RASGRF2: variants seen among roughly 807,000 people sequenced by gnomAD.
RASGRF2 encodes the protein Ras protein specific guanine nucleotide releasing factor 2.
Under a neutral mutation model 151.0 loss-of-function variants are expected in RASGRF2, and 76 were observed. That is an observed-to-expected ratio of 0.50 (90% confidence interval 0.42 to 0.61). The LOEUF (loss-of-function observed/expected upper bound fraction) is 0.61, where lower values mean the gene tolerates loss of function less well. Among genes scored for constraint, RASGRF2 ranks in the 20% least tolerant of loss-of-function variants. The pLI, the probability that RASGRF2 is intolerant of heterozygous loss-of-function variation, is 0.00. For missense variants in RASGRF2, 1,148 were observed against 1,564.6 expected (o/e 0.73, Z 4.49); for synonymous variants, 504 against 566.5 (o/e 0.89, Z 1.57).
At chr5:81,018,864 G>T (rs1039200038) in intron 1 of RASGRF2, among the ~76,000 whole-genome samples, 10 of 149,560 alleles carry the variant, frequency 6.7e-5, no homozygotes, top group African/African-American at 1.7e-4. Context: ...GCACAGTGGC[G>T]CAATCTCGGC....
At chr5:81,167,686 T>C (rs1754544670) in intron 17 of RASGRF2, among the ~76,000 whole-genome samples, 1 of 152,156 alleles carries the variant, frequency 6.6e-6, no homozygotes, top group African/African-American at 2.4e-5. Context: ...GCCTCTCCTC[T>C]CTGTGGCTGC....
intron 12 of RASGRF2, among the ~76,000 whole-genome samples, chr5:81,099,327 A>G (rs745670147): frequency 1.1e-4 from 16 of 152,220 alleles, no homozygotes; most frequent in Non-Finnish European, 2.1e-4. Context: ...ATTATATTAA[A>G]TATATTCAGC....
At chr5:81,156,013 G>T (rs58250263) in intron 17 of RASGRF2, among the ~76,000 whole-genome samples, 2,558 of 152,238 alleles carry the variant, frequency 0.017, 88 homozygotes, top group South Asian at 0.091. Flanking sequence ...GCTATGTCCA[G>T]GTACTTTATG....
At position 81,068,187 on chromosome 5, in the gene RASGRF2, C is replaced by T. The variant is rs200933858; in HGVS notation, c.543+8C>T. ...GAAAGGCTTAAATCAGAGGTATTTC[C>T]CAGTCAATAGATTCCTTCTCATTGT... is the stretch of plus-strand genomic sequence containing the variant. On this transcript the variant is annotated splice_region_variant and intron_variant, in intron 3 of 26. Transcript: ENST00000265080. 3 of 1,606,584 alleles carry T rather than the reference C, an allele frequency of 1.9e-6. No individual in the cohort carries two copies. The highest frequency in any genetic ancestry group is 1.1e-5 in the South Asian group (1 of 89,744).
At position 81,133,067 on chromosome 5, in the gene RASGRF2, A is replaced by G. The variant is rs1232262100; in HGVS notation, c.2686+5904A>G. Among the ~76,000 whole-genome samples, 3 of 152,174 alleles carry G rather than the reference A, an allele frequency of 2.0e-5. No individual in the cohort carries two copies. The East Asian group carries it at 5.8e-4, about 29-fold the overall frequency. Reference sequence around the variant, plus strand: ...AGGGTGGGGGCATCAGTGATTGTCAATGAGTCATTAGCCATCTTTCTTCTA... The same window carrying G: ...AGGGTGGGGGCATCAGTGATTGTCAGTGAGTCATTAGCCATCTTTCTTCTA... On this transcript the variant is annotated intron_variant, in intron 17 of 26. Coordinates refer to ENST00000265080, the MANE Select transcript of RASGRF2 (RefSeq NM_006909.3).
intron 17 of RASGRF2, among the ~76,000 whole-genome samples, chr5:81,143,807 T>C (rs1285408419): frequency 2.0e-5 from 3 of 151,792 alleles, no homozygotes; most frequent in Non-Finnish European, 4.4e-5. Flanking sequence ...GGAGAATTGC[T>C]TGAACCTGGG....
rs541669022 is a variant in RASGRF2 at position 81,003,659 on chromosome 5, G to T, written c.289-39218G>T. Among the ~76,000 whole-genome samples, 4 of 152,286 alleles carry T rather than the reference G, an allele frequency of 2.6e-5. No individual in the cohort carries two copies. In the South Asian group the frequency reaches 8.3e-4, roughly 32 times the overall value. On this transcript the variant is annotated intron_variant, in intron 1 of 26. Transcript: ENST00000265080. The stretch of plus-strand genomic sequence containing the variant: ...TTACAGGCATGAGCCATGATGCCTG[G>T]CCGAGACAATTTTTTAAATAATGGA...
intron 16 of RASGRF2, among the ~76,000 whole-genome samples, chr5:81,125,549 A>G (rs1753429348): frequency 6.6e-6 from 1 of 152,190 alleles, no homozygotes; most frequent in African/African-American, 2.4e-5. Flanking sequence ...GGTCTTGGCA[A>G]CTTCCTTGAC....
intron 17 of RASGRF2, among the ~76,000 whole-genome samples, chr5:81,129,929 T>A (rs1753570410): frequency 6.6e-6 from 1 of 152,168 alleles, no homozygotes; most frequent in Admixed American, 6.5e-5. Flanking sequence ...GAGAGGTCCT[T>A]TTTTCACCTG....
intron 18 of RASGRF2, among the ~76,000 whole-genome samples, chr5:81,188,975 T>C (rs1165792218): frequency 6.6e-6 from 1 of 152,244 alleles, no homozygotes; most frequent in African/African-American, 2.4e-5. Context: ...ACACTGCCAA[T>C]GCTTTCCCTG....
chr5:81,187,016 A>G (rs1199138819), intron 18 of RASGRF2, among the ~76,000 whole-genome samples: 1 of 152,250 alleles, frequency 6.6e-6, no homozygotes, highest in Non-Finnish European at 1.5e-5. Flanking sequence ...AGTAGCCATT[A>G]CAGATGGAGG....
chr5:81,092,871 G>C lies in RASGRF2; in HGVS notation c.1461G>C (p.Leu487Phe). ...LSKVRLGSLS[L>F]KKEGERQCFL... ...AAGTTCGCCTGGGTTCGTTGTCTTT[G>C]AAAAAGGAAGGAGAGAGACAATGCT... The change falls in exon 10 of 27, where the codon TTG becomes TTC. Residue 487 changes from leucine (L) to phenylalanine (F), a missense_variant. Transcript: ENST00000265080. 1 of 1,612,764 alleles carries C rather than the reference G, an allele frequency of 6.2e-7. No individual in the cohort carries two copies. The highest frequency in any genetic ancestry group is 8.5e-7 in the Non-Finnish European group (1 of 1,178,844).
intron 17 of RASGRF2, among the ~76,000 whole-genome samples, chr5:81,161,214 C>T (rs1314607414): frequency 6.6e-6 from 1 of 152,166 alleles, no homozygotes; most frequent in African/African-American, 2.4e-5. Context: ...AATTTGAATT[C>T]CTGCCTAGGG....
chr5:81,133,485 T>A (rs1448685826), intron 17 of RASGRF2, among the ~76,000 whole-genome samples: 1 of 152,242 alleles, frequency 6.6e-6, no homozygotes, highest in Non-Finnish European at 1.5e-5. Flanking sequence ...TGGATATAGT[T>A]ATGATATGAA....
intron 2 of RASGRF2, among the ~76,000 whole-genome samples, chr5:81,049,622 C>G (rs1191337734): frequency 6.6e-6 from 1 of 152,138 alleles, no homozygotes; most frequent in Non-Finnish European, 1.5e-5. Flanking sequence ...GATCCATTCC[C>G]CAGACTTAGG....
At chr5:81,001,723 G>T (rs983892241) in intron 1 of RASGRF2, among the ~76,000 whole-genome samples, 2 of 152,176 alleles carry the variant, frequency 1.3e-5, no homozygotes, top group African/African-American at 4.8e-5. Flanking sequence ...ACCCTGACTT[G>T]TATTTATTTA....
At chr5:80,993,850 G>A (rs745817366) in intron 1 of RASGRF2, among the ~76,000 whole-genome samples, 17 of 152,122 alleles carry the variant, frequency 1.1e-4, no homozygotes, top group South Asian at 6.2e-4. Flanking sequence ...GATGGTGGCC[G>A]CTGTGGGTCA....
intron 15 of RASGRF2, among the ~76,000 whole-genome samples, chr5:81,121,149 C>G (rs1753298118): frequency 6.6e-6 from 1 of 151,982 alleles, no homozygotes; most frequent in African/African-American, 2.4e-5. Flanking sequence ...TGTGTGAACC[C>G]TGCTGTCTAG....
chr5:81,194,466 T>C (rs1554041357), intron 18 of RASGRF2, among the ~76,000 whole-genome samples: 1 of 151,928 alleles, frequency 6.6e-6, no homozygotes, highest in Non-Finnish European at 1.5e-5. Context: ...CTGATCCAGG[T>C]AAAATGCTAA....
Sources: gnomAD v4.1 joint callset for allele counts (sites outside exome capture counted in the v4.1 genomes callset) on GRCh38, gnomAD v4.1.1 for gene constraint, MANE v1.5 for transcripts, NCBI Gene and HGNC (gene_info 2026-07-23, HGNC 2026-07-21) for gene names.